Variants in CCT6B observed in about 807,000 individuals in gnomAD.
The protein encoded by CCT6B is probable T-complex protein 1 subunit zeta-2.
Under a neutral mutation model 61.5 loss-of-function variants are expected in CCT6B, and 49 were observed. That is an observed-to-expected ratio of 0.80 (90% confidence interval 0.63 to 1.01). The LOEUF (loss-of-function observed/expected upper bound fraction) is 1.01. Among genes scored for constraint, CCT6B ranks in the 50% least tolerant of loss-of-function variants. The pLI is 0.00. For missense variants in CCT6B, 666 were observed against 634.7 expected (o/e 1.05, Z -0.53); for synonymous variants, 228 against 214.5 (o/e 1.06, Z -0.55).
rs763033825 is a variant in CCT6B, at chr17:34,961,426, G to A, written c.-33C>T. The A allele has an allele frequency of 6.6e-5, 103 of 1,559,040 alleles. No individual in the cohort carries two copies. Among genetic ancestry groups the A allele is most frequent in the Non-Finnish European group, 8.5e-5 (99 of 1,159,118 alleles). On this transcript the variant is annotated 5_prime_UTR_variant, in exon 1 of 14. Coordinates refer to ENST00000314144, the MANE Select transcript of CCT6B (RefSeq NM_006584.4). The stretch of plus-strand genomic sequence containing the variant: ...CCGTTCAGAGGGAGAAAAAAAAAAA[G>A]CCTTAGTCGCGATTCTGAGCAAAAA...
intron 3 of CCT6B, among the ~76,000 whole-genome samples, chr17:34,957,548 A>G (rs1204094544): frequency 1.3e-5 from 2 of 152,228 alleles, no homozygotes; most frequent in African/African-American, 4.8e-5. Flanking sequence ...TTGTTATCAC[A>G]CAACCTGACA....
chr17:34,950,411 A>T (rs1010691474), intron 5 of CCT6B, among the ~76,000 whole-genome samples: 8 of 152,214 alleles, frequency 5.3e-5, no homozygotes, highest in Non-Finnish European at 8.8e-5. Context: ...TATCACAACA[A>T]GGAAAGAAAG....
chr17:34,954,072 T>G (rs1039727435), intron 4 of CCT6B, among the ~76,000 whole-genome samples: 2 of 152,194 alleles, frequency 1.3e-5, no homozygotes, highest in Non-Finnish European at 2.9e-5. Flanking sequence ...CAAGGTACAC[T>G]GCTAAAACAA....
chr17:34,960,951 G>A (rs1232704911), intron 1 of CCT6B, among the ~76,000 whole-genome samples: 1 of 152,212 alleles, frequency 6.6e-6, no homozygotes, highest in Non-Finnish European at 1.5e-5. Context: ...GTCTTAAGGA[G>A]CAGAGGAGTT....
rs1252539533 is a variant in CCT6B at position 34,930,972 on chromosome 17, A to G, written c.1427T>C (p.Leu476Pro). 1.9e-6 allele frequency: 3 copies of G among 1,600,852 alleles called. 1 individual carries two copies. In the South Asian group the frequency reaches 3.3e-5, roughly 18 times the overall value. Residue 476 changes from leucine (L) to proline (P), a missense_variant, in exon 12 of 14, where the codon CTT (leucine) becomes CCT (proline). Transcript: ENST00000314144. ...VQAEHVESKQ[L>P]VGVDLNTGEP... ...ACCTGTATTCAAATCTACGCCCACA[A>G]GTTGTTTTGACTCGACATGCTCAGC... is the stretch of plus-strand genomic sequence containing the variant.
At chr17:34,931,657 T>C (rs1442093604) in intron 11 of CCT6B, among the ~76,000 whole-genome samples, 1 of 152,180 alleles carries the variant, frequency 6.6e-6, no homozygotes. Context: ...CTGACTTTGC[T>C]GCTCTGGGGA....
intron 5 of CCT6B, among the ~76,000 whole-genome samples, chr17:34,951,527 C>T (rs1331107169): frequency 6.6e-6 from 1 of 152,066 alleles, no homozygotes; most frequent in Non-Finnish European, 1.5e-5. Flanking sequence ...TAATCTGGTC[C>T]CTTTTGCCTC....
chr17:34,959,553 T>C (rs1428276992), intron 2 of CCT6B, 34 bp downstream of exon 2: 3 of 1,511,478 alleles, frequency 2.0e-6, no homozygotes, highest in Non-Finnish European at 2.8e-6. Flanking sequence ...TTAAGGCTTA[T>C]TAAGGTTTAT....
intron 3 of CCT6B, among the ~76,000 whole-genome samples, chr17:34,956,875 T>C (rs1489356733): frequency 6.6e-6 from 1 of 152,118 alleles, no homozygotes; most frequent in Non-Finnish European, 1.5e-5. Flanking sequence ...ACTGGTGCAA[T>C]CATGGCTTAC....
At chr17:34,932,238 G>C (rs552076949) in intron 11 of CCT6B, 129 bp downstream of exon 11, 23 of 813,030 alleles carry the variant, frequency 2.8e-5, no homozygotes, top group Non-Finnish European at 3.8e-5. Context: ...AAATATCTAA[G>C]AGAAAACTGT....
At chr17:34,939,453 T>A in intron 9 of CCT6B, 123 bp from the exon 10 acceptor site, 1 of 890,634 alleles carries the variant, frequency 1.1e-6, no homozygotes, top group Non-Finnish European at 1.7e-6. Context: ...GGAGTTAAGT[T>A]ATATCTGAAC....
chr17:34,952,045 C>G lies in CCT6B; in HGVS notation c.519G>C (p.Val173=). Residue 173 remains valine (V), a synonymous_variant, in exon 5 of 14, where the codon GTG becomes GTC. Coordinates refer to ENST00000314144, the MANE Select transcript of CCT6B (RefSeq NM_006584.4). ...GTCTTCTAACAGCCAAAACAGAATC[C>G]ACCACAACCTGAAAGAGAAATGAAT... is the stretch of plus-strand genomic sequence containing the variant. ...ELADVLTEVV[V]DSVLAVRRPG... 6.3e-7 allele frequency: 1 copy of G among 1,594,544 alleles called. No individual in the cohort carries two copies. Among genetic ancestry groups the G allele is most frequent in the Non-Finnish European group, 8.6e-7 (1 of 1,163,458 alleles).
In CCT6B at chr17:34,929,044, A is replaced by G. The variant is rs1375359135; in HGVS notation, c.1451-10T>C. 1 of 1,568,804 alleles carries G rather than the reference A, an allele frequency of 6.4e-7. No individual in the cohort carries two copies. The highest frequency in any genetic ancestry group is 8.8e-7 in the Non-Finnish European group (1 of 1,142,704). The stretch of plus-strand genomic sequence containing the variant: ...GCTACCATTGGCTCACCTGAAAAGT[A>G]AAAACAATTTTCATACCAAAATCTT... On this transcript the variant is annotated splice_polypyrimidine_tract_variant and intron_variant, in intron 12 of 13. Transcript: ENST00000314144.
intron 1 of CCT6B, among the ~76,000 whole-genome samples, 173 bp downstream of exon 1, chr17:34,961,084 G>A (rs62064823): frequency 0.07 from 10,649 of 152,230 alleles, 536 homozygotes; most frequent in Non-Finnish European, 0.089. Flanking sequence ...TACTAGGGGA[G>A]GCTTTTCTCC....
intron 10 of CCT6B, 92 bp from the exon 11 acceptor site, chr17:34,932,592 T>C (rs1194882426): frequency 4.3e-6 from 5 of 1,162,432 alleles, no homozygotes; most frequent in Non-Finnish European, 4.8e-6. Flanking sequence ...TTAAGTATGT[T>C]CTATTATCTA....
At chr17:34,948,532 T>C (rs950402713) in intron 5 of CCT6B, among the ~76,000 whole-genome samples, 2 of 151,378 alleles carry the variant, frequency 1.3e-5, no homozygotes, top group African/African-American at 4.9e-5. Flanking sequence ...CTGACCAACA[T>C]GGTGAAACTC....
In CCT6B at chr17:34,932,478, A is replaced by G. The variant is rs1469428258; in HGVS notation, c.1236T>C (p.Gly412=). Residue 412 remains glycine (G), a synonymous_variant, in exon 11 of 14, where the codon GGT becomes GGC. Coordinates refer to ENST00000314144, the MANE Select transcript of CCT6B (RefSeq NM_006584.4). ...IEDGCMVPGA[G]AIEVAMAEAL... ...CTTCAGCCATTGCCACTTCAATTGCACCAGCTCCAGGAACCATACAACCTA... is the reference window on the plus strand; with the variant it reads ...CTTCAGCCATTGCCACTTCAATTGCGCCAGCTCCAGGAACCATACAACCTA... 1 of 1,611,102 alleles carries G rather than the reference A, an allele frequency of 6.2e-7. No individual in the cohort carries two copies. Among genetic ancestry groups the G allele is most frequent in the South Asian group, 1.1e-5 (1 of 90,282 alleles).
intron 1 of CCT6B, among the ~76,000 whole-genome samples, chr17:34,960,239 C>A (rs2090396934): frequency 6.6e-6 from 1 of 152,230 alleles, no homozygotes; most frequent in African/African-American, 2.4e-5. Context: ...TGTTTTCCAT[C>A]ATTTTCAAGT....
At chr17:34,928,227 G>T in intron 13 of CCT6B, 110 bp from the exon 14 acceptor site, 1 of 579,938 alleles carries the variant, frequency 1.7e-6, no homozygotes, top group South Asian at 2.7e-5. Flanking sequence ...ATGTTAGTAT[G>T]ATGTTTTATG....
Sources: allele counts gnomAD v4.1 joint callset (sites outside exome capture counted in the v4.1 genomes callset), GRCh38; gene constraint gnomAD v4.1.1; transcripts MANE v1.5; gene names NCBI Gene and HGNC (gene_info 2026-07-23, HGNC 2026-07-21).